The following KCNIP4 variants were observed in gnomAD, a reference collection of about 807,000 sequenced individuals.
KCNIP4 encodes potassium voltage-gated channel interacting protein 4, also known as Kv channel-interacting protein 4.
KCNIP4 carries 12 observed loss-of-function variants against 34.0 expected under a neutral mutation model. The observed-to-expected ratio is 0.35, with a 90% CI of 0.23 to 0.57. The LOEUF is 0.57. Among genes scored for constraint, KCNIP4 ranks in the 20% least tolerant of loss-of-function variants. The pLI, the probability that KCNIP4 is intolerant of heterozygous loss-of-function variation, is 0.83. For synonymous variants in KCNIP4, 124 were observed against 102.2 expected (o/e 1.21, Z -1.29); for missense variants, 238 against 311.7 (o/e 0.76, Z 1.78).
At chr4:20,919,016 A>AACCTATTTTCTTTTC (rs1291553995) in intron 1 of KCNIP4, among the ~76,000 whole-genome samples, 75 of 152,328 alleles carry the variant, frequency 4.9e-4, no homozygotes, top group African/African-American at 1.6e-3. Context: ...TGGTAAGAAT[A>AACCTATTTTCTTTTC]ACCTATTTTC....
chr4:20,808,294 C>T (rs1715324032), intron 3 of KCNIP4, among the ~76,000 whole-genome samples: 1 of 152,046 alleles, frequency 6.6e-6, no homozygotes, highest in Non-Finnish European at 1.5e-5. Flanking sequence ...TTTAAGGATG[C>T]CATGAAGGCT....
intron 1 of KCNIP4, among the ~76,000 whole-genome samples, chr4:20,980,619 T>C (rs1307688506): frequency 2.0e-5 from 3 of 152,196 alleles, no homozygotes; most frequent in Non-Finnish European, 4.4e-5. Flanking sequence ...AACATTAATA[T>C]GGGCCCTCTC....
At chr4:21,019,015 T>C (rs139725427) in intron 1 of KCNIP4, among the ~76,000 whole-genome samples, 1 of 152,202 alleles carries the variant, frequency 6.6e-6, no homozygotes, top group Non-Finnish European at 1.5e-5. Context: ...TTCTAGCAGC[T>C]AAAAATCTGA....
At chr4:21,221,761 G>A (rs1347476410) in intron 1 of KCNIP4, among the ~76,000 whole-genome samples, 1 of 152,166 alleles carries the variant, frequency 6.6e-6, no homozygotes, top group Non-Finnish European at 1.5e-5. Context: ...AATGAGAAGA[G>A]AAGGTATGCA....
chr4:20,777,042 G>A (rs939392898), intron 3 of KCNIP4, among the ~76,000 whole-genome samples: 1 of 152,236 alleles, frequency 6.6e-6, no homozygotes, highest in East Asian at 1.9e-4. Context: ...TTGGGAGGCG[G>A]GGTCTTTGGG....
intron 1 of KCNIP4, among the ~76,000 whole-genome samples, chr4:21,085,658 C>A (rs555611846): frequency 6.6e-6 from 1 of 152,140 alleles, no homozygotes; most frequent in Admixed American, 6.5e-5. Context: ...AAAGGCAGAT[C>A]CTGAGACAAG....
At position 20,803,470 on chromosome 4, in the gene KCNIP4, CAAAAAAAAAAAAAAAAAAAA is replaced by C. The variant is rs551176038; in HGVS notation, c.289-44600_289-44581del. Among the ~76,000 whole-genome samples the C allele has an allele frequency of 8.4e-4, 72 of 85,878 alleles. 1 individual carries two copies. The highest frequency in any genetic ancestry group is 6.5e-3 in the Middle Eastern group (1 of 154). 56.3% of individuals were successfully genotyped at this position (85,878 alleles called of 152,430 possible). A position where few individuals can be genotyped will look rare whatever the true frequency, so the allele number is the denominator to read the frequency against. On this transcript the variant is annotated intron_variant, in intron 3 of 8. Coordinates refer to ENST00000382152, the MANE Select transcript of KCNIP4 (RefSeq NM_025221.6). ...GAACATGGCAAAACCTCATCTTTACCAAAAAAAAAAAAAAAAAAAAAAAAAAAAAAAAAAAAATTAGCTGG... is the reference window on the plus strand; with the variant it reads ...GAACATGGCAAAACCTCATCTTTACCAAAAAAAAAAAAAAAAATTAGCTGG...
intron 1 of KCNIP4, among the ~76,000 whole-genome samples, chr4:21,074,018 G>A (rs954753365): frequency 6.6e-6 from 1 of 152,194 alleles, no homozygotes; most frequent in Non-Finnish European, 1.5e-5. Flanking sequence ...GCTTTTTGAT[G>A]TGCTGCTGGA....
chr4:20,806,147 A>T (rs1158041071), intron 3 of KCNIP4, among the ~76,000 whole-genome samples: 1 of 152,052 alleles, frequency 6.6e-6, no homozygotes, highest in East Asian at 1.9e-4. Flanking sequence ...ATAACTTTTT[A>T]AAAATGAGTT....
chr4:21,552,037 TTAA>T (rs1287145964), intron 1 of KCNIP4, among the ~76,000 whole-genome samples: 82 of 144,656 alleles, frequency 5.7e-4, no homozygotes, highest in East Asian at 4.5e-3. Flanking sequence ...AGAGCTTTTT[TTAA>T]AAAAAAAAAA....
intron 1 of KCNIP4, among the ~76,000 whole-genome samples, chr4:21,071,610 A>T (rs941930808): frequency 1.3e-5 from 2 of 152,096 alleles, no homozygotes; most frequent in African/African-American, 4.8e-5. Flanking sequence ...ATGTGTATAT[A>T]TATCTGTTGG....
At chr4:21,934,272 CA>C (rs1226669893) in intron 1 of KCNIP4, among the ~76,000 whole-genome samples, 2 of 152,040 alleles carry the variant, frequency 1.3e-5, no homozygotes, top group Non-Finnish European at 2.9e-5. Context: ...AGACTCTTAT[CA>C]GGCACTAGTT....
At chr4:21,519,562 GTATATATACACA>G (rs1560480050) in intron 1 of KCNIP4, among the ~76,000 whole-genome samples, 4 of 46,806 alleles carry the variant, frequency 8.5e-5, no homozygotes, top group South Asian at 1.3e-3. Context: ...GTGTGTATGT[GTATATATACACA>G]TATGTGTGTG....
At chr4:21,223,492 C>T (rs73249509) in intron 1 of KCNIP4, among the ~76,000 whole-genome samples, 9,229 of 152,232 alleles carry the variant, frequency 0.061, 333 homozygotes, top group East Asian at 0.13. Context: ...GCATATGAAT[C>T]GTCTCAGCAG....
intron 1 of KCNIP4, among the ~76,000 whole-genome samples, chr4:21,081,024 C>G (rs924474646): frequency 5.3e-5 from 8 of 151,748 alleles, no homozygotes; most frequent in Admixed American, 6.6e-5. Context: ...ATTTAAATAA[C>G]ATGTTAGATC....
chr4:21,049,502 A>C (rs1166896152), intron 1 of KCNIP4, among the ~76,000 whole-genome samples: 2 of 152,220 alleles, frequency 1.3e-5, no homozygotes, highest in Non-Finnish European at 2.9e-5. Context: ...TCTCTAAGGA[A>C]GAAAGGCTCA....
chr4:21,636,289 A>G (rs1378416114), intron 1 of KCNIP4, among the ~76,000 whole-genome samples: 1 of 146,516 alleles, frequency 6.8e-6, no homozygotes, highest in Non-Finnish European at 1.5e-5. Context: ...TTAAAGTATA[A>G]TAAAAAAAAA....
chr4:21,592,519 T>A (rs1742298890), intron 1 of KCNIP4, among the ~76,000 whole-genome samples: 1 of 152,140 alleles, frequency 6.6e-6, no homozygotes, highest in Non-Finnish European at 1.5e-5. Context: ...TGATCATCAC[T>A]ATTATGCACA....
chr4:21,103,760 G>A (rs1271539593), intron 1 of KCNIP4, among the ~76,000 whole-genome samples: 1 of 103,888 alleles, frequency 9.6e-6, no homozygotes, highest in Non-Finnish European at 1.8e-5. Context: ...ACAGGCCCCA[G>A]AGTGTGATGT....
Sources: gnomAD v4.1 joint callset for allele counts (sites outside exome capture counted in the v4.1 genomes callset) on GRCh38, gnomAD v4.1.1 for gene constraint, MANE v1.5 for transcripts, NCBI Gene and HGNC (gene_info 2026-07-23, HGNC 2026-07-21) for gene names.